PCDHA1: variants seen among roughly 807,000 people sequenced by gnomAD.
PCDHA1 encodes the protein protocadherin alpha-1.
Under a neutral mutation model 61.3 loss-of-function variants are expected in PCDHA1, and 42 were observed. That is an observed-to-expected ratio of 0.69 (90% CI 0.54 to 0.89). PCDHA1 has a LOEUF of 0.89. Ranked by LOEUF, PCDHA1 falls within the 40% of genes least tolerant of loss-of-function variation. PCDHA1 has a pLI of 0.00. For synonymous variants in PCDHA1, 610 were observed against 553.8 expected, an observed-to-expected ratio of 1.10 and a Z score of -1.43; for missense variants, 1,256 against 1,235.3, an observed-to-expected ratio of 1.02 and a Z score of -0.25.
At chr5:140,822,177 A>G (rs2150114373) in intron 1 of PCDHA1, 1 of 1,614,280 alleles carries the variant, frequency 6.2e-7, no homozygotes, top group East Asian at 2.2e-5. Flanking sequence ...GGTTCTCCAG[A>G]CAAGAACAAA....
intron 1 of PCDHA1, among the ~76,000 whole-genome samples, chr5:140,895,085 C>T (rs144485224): frequency 2.0e-5 from 3 of 152,298 alleles, no homozygotes; most frequent in Non-Finnish European, 4.4e-5. Flanking sequence ...AGTTCCTCCT[C>T]AGTATAGGGG....
In PCDHA1 at chr5:140,882,516, T is replaced by C. The variant is rs782263799; in HGVS notation, c.2394+93832T>C. ...CTGGAGGTAAATCTGCAGAATGGCA[T>C]TTTGTTTGTGAATTCTCGGATCGAC... is the stretch of plus-strand genomic sequence containing the variant. On this transcript the variant is annotated intron_variant, in intron 1 of 3. Coordinates refer to ENST00000504120, the MANE Select transcript of PCDHA1 (RefSeq NM_018900.4). 1.4e-5 allele frequency: 22 copies of C among 1,614,068 alleles called. No individual in the cohort carries two copies. The highest frequency in any genetic ancestry group is 4.0e-5 in the African/African-American group (3 of 74,944).
At chr5:140,822,284 G>C (rs2150115215) in intron 1 of PCDHA1, 4 of 1,614,234 alleles carry the variant, frequency 2.5e-6, no homozygotes, top group Non-Finnish European at 3.4e-6. Flanking sequence ...TTGAGATACA[G>C]GTTAAATCCA....
rs1444177179 is a variant in PCDHA1 at position 140,984,821 on chromosome 5, T to C, written c.2542+2258T>C. On this transcript the variant is annotated intron_variant, in intron 3 of 3. Transcript: ENST00000504120. ...CTGCCTGAATTCATATTTTCTTAAT[T>C]ACCCTTTCTGTAAATTGGGTGTAGT... Among the ~76,000 whole-genome samples, 4 of 152,192 alleles carry C rather than the reference T, an allele frequency of 2.6e-5. No individual in the cohort carries two copies. In the East Asian group the frequency reaches 7.7e-4, roughly 29 times the overall value.
chr5:140,856,558 A>T lies in PCDHA1; in HGVS notation c.2394+67874A>T, dbSNP rs372031038. 2.5e-6 allele frequency: 4 copies of T among 1,598,086 alleles called. 1 individual carries two copies. The East Asian group carries it at 8.9e-5, about 36-fold the overall frequency. ...GAGAGAACGCATTGCTTACTTACAA[A>T]CTCAGTCCAAATGAGTATTTTGTTC... is the stretch of plus-strand genomic sequence containing the variant. On this transcript the variant is annotated intron_variant, in intron 1 of 3. Coordinates refer to ENST00000504120, the MANE Select transcript of PCDHA1 (RefSeq NM_018900.4).
chr5:140,855,741 A>C, intron 1 of PCDHA1: 2 of 313,634 alleles, frequency 6.4e-6, no homozygotes, highest in Non-Finnish European at 5.9e-6. Flanking sequence ...AAGAGACGTA[A>C]TGTGAGGCTT....
chr5:140,872,203 T>C (rs2053540668), intron 1 of PCDHA1, among the ~76,000 whole-genome samples: 1 of 152,208 alleles, frequency 6.6e-6, no homozygotes, highest in Non-Finnish European at 1.5e-5. Context: ...CATCATAAAT[T>C]CATTATATAT....
Position 140,823,664 on chromosome 5 carries a change from T to A in PCDHA1, c.2394+34980T>A, listed in dbSNP as rs2150128054. On this transcript the variant is annotated intron_variant, in intron 1 of 3. Coordinates refer to ENST00000504120, the MANE Select transcript of PCDHA1 (RefSeq NM_018900.4). ...CGCGTGGGGCTGTACACAGGCGAGA[T>A]CAGCACAACACGCTCTCTGGATGAG... 16 of 1,613,856 alleles carry A rather than the reference T, an allele frequency of 9.9e-6. No individual in the cohort carries two copies. Among genetic ancestry groups the A allele is most frequent in the Middle Eastern group, 3.3e-4 (2 of 6,084 alleles).
intron 1 of PCDHA1, among the ~76,000 whole-genome samples, chr5:140,953,382 G>A (rs1554220887): frequency 6.6e-6 from 1 of 152,142 alleles, no homozygotes; most frequent in Admixed American, 6.6e-5. Context: ...ACCCCTCTCA[G>A]TTGTGGATTA....
rs782786984 is a variant in PCDHA1, at chr5:140,795,324, A to C, written c.2394+6640A>C. ...GGCCGCTGCAGGTTTTCCATGTGGA[A>C]GTGGAGGTGAAGGACATTAACGACA... On this transcript the variant is annotated intron_variant, in intron 1 of 3. Transcript: ENST00000504120. 21 of 1,614,104 alleles carry C rather than the reference A, an allele frequency of 1.3e-5. No individual in the cohort carries two copies. Among genetic ancestry groups the C allele is most frequent in the East Asian group, 8.9e-5 (4 of 44,898 alleles).
chr5:140,978,703 G>C (rs556167285), intron 1 of PCDHA1, among the ~76,000 whole-genome samples: 1 of 152,328 alleles, frequency 6.6e-6, no homozygotes, highest in East Asian at 1.9e-4. Context: ...AGCCAAAGGT[G>C]GCCTTTACAA....
At chr5:140,926,979 G>A (rs782354889) in intron 1 of PCDHA1, 1 of 1,610,590 alleles carries the variant, frequency 6.2e-7, no homozygotes. Flanking sequence ...TGCCGGAGGA[G>A]ACGGAGCGGG....
At chr5:140,990,836 C>G (rs1358432111) in intron 3 of PCDHA1, among the ~76,000 whole-genome samples, 1 of 152,120 alleles carries the variant, frequency 6.6e-6, no homozygotes, top group East Asian at 1.9e-4. Context: ...AGCCTATTAG[C>G]AAAAATAGAG....
chr5:140,976,545 T>C (rs781810490), intron 1 of PCDHA1, among the ~76,000 whole-genome samples: 1 of 152,078 alleles, frequency 6.6e-6, no homozygotes, highest in Non-Finnish European at 1.5e-5. Flanking sequence ...AGTAAGACCC[T>C]ATCTCATAAA....
chr5:140,844,611 T>C (rs1779461835), intron 1 of PCDHA1, among the ~76,000 whole-genome samples: 1 of 149,406 alleles, frequency 6.7e-6, no homozygotes, highest in Non-Finnish European at 1.5e-5. Context: ...CTTAGAAAAA[T>C]GTTTTCATCA....
intron 1 of PCDHA1, among the ~76,000 whole-genome samples, chr5:140,937,638 C>A (rs1563161991): frequency 6.7e-6 from 1 of 150,048 alleles, no homozygotes; most frequent in East Asian, 2.1e-4. Flanking sequence ...AAAGGCAGGG[C>A]ATGGTGGCTC....
intron 1 of PCDHA1, among the ~76,000 whole-genome samples, chr5:140,820,757 C>A (rs1581766464): frequency 6.6e-6 from 1 of 151,890 alleles, no homozygotes; most frequent in African/African-American, 2.4e-5. Flanking sequence ...GTCATATAGA[C>A]AATATTAGGA....
At position 140,855,877 on chromosome 5, in the gene PCDHA1, C is replaced by A. The variant is rs577890350; in HGVS notation, c.2394+67193C>A. ...GATGTCGCTGTCGTCCACAAAATAG[C>A]TTTTTAGAACAAAGGCATCAGCCAG... is the stretch of plus-strand genomic sequence containing the variant. On this transcript the variant is annotated intron_variant, in intron 1 of 3. Coordinates refer to ENST00000504120, the MANE Select transcript of PCDHA1 (RefSeq NM_018900.4). 6.7e-6 allele frequency: 6 copies of A among 896,996 alleles called. 1 individual carries two copies. Among genetic ancestry groups the A allele is most frequent in the Non-Finnish European group, 9.9e-6 (6 of 604,068 alleles). 55.6% of individuals were successfully genotyped at this position (896,996 alleles called of 1,614,324 possible).
At chr5:140,867,932 T>C (rs2050205695) in intron 1 of PCDHA1, 1 of 152,146 alleles carries the variant, frequency 6.6e-6, no homozygotes, top group Non-Finnish European at 1.5e-5. Context: ...TTCCCTTGTT[T>C]TCCATGAACT....
Sources: gnomAD v4.1 joint callset for allele counts (sites outside exome capture counted in the v4.1 genomes callset) on GRCh38, gnomAD v4.1.1 for gene constraint, MANE v1.5 for transcripts, NCBI Gene and HGNC (gene_info 2026-07-23, HGNC 2026-07-21) for gene names.